STXBP6: variants seen among roughly 807,000 people sequenced by gnomAD.
The protein encoded by STXBP6 is syntaxin-binding protein 6.
In STXBP6, 21 loss-of-function variants were observed where a neutral mutation model predicts 26.9. That is an observed-to-expected ratio of 0.78 (90% CI 0.55 to 1.12). The LOEUF (loss-of-function observed/expected upper bound fraction) is 1.12. Ranked by LOEUF, STXBP6 falls within the 50% of genes most tolerant of loss-of-function variation. STXBP6 has a pLI of 0.00. For synonymous variants in STXBP6, 97 were observed against 92.6 expected (o/e 1.05, Z -0.27); for missense variants, 232 against 257.9 (o/e 0.90, Z 0.69).
At chr14:24,906,108 CAAATAATTAGGTTTTTTAAA>C (rs1431358086) in intron 2 of STXBP6, among the ~76,000 whole-genome samples, 3 of 152,072 alleles carry the variant, frequency 2.0e-5, no homozygotes, top group Non-Finnish European at 4.4e-5. Flanking sequence ...GTTTCCCATC[CAAATAATTAGGTTTTTTAAA>C]AATCATTTTC....
At chr14:24,956,141 C>T (rs780357743) in intron 2 of STXBP6, among the ~76,000 whole-genome samples, 7 of 151,946 alleles carry the variant, frequency 4.6e-5, no homozygotes, top group Non-Finnish European at 7.4e-5. Context: ...AAAACAGTGG[C>T]TACTAGGTGT....
In STXBP6 at chr14:24,838,276, G is replaced by C. The variant is rs2068681525; in HGVS notation, c.451+17660C>G. On this transcript the variant is annotated intron_variant, in intron 4 of 5. Transcript: ENST00000323944. ...TCTACCCAACTCGGCCTCCCAAAAT[G>C]CTGGGATTATTGGTGTGTGTCACTA... 2.0e-5 allele frequency among the ~76,000 whole-genome samples: 3 copies of C among 152,180 alleles called. No individual in the cohort carries two copies. The South Asian group carries it at 6.2e-4, about 32-fold the overall frequency.
intron 4 of STXBP6, among the ~76,000 whole-genome samples, chr14:24,837,659 C>T (rs1197956367): frequency 6.6e-6 from 1 of 152,164 alleles, no homozygotes; most frequent in East Asian, 1.9e-4. Flanking sequence ...AACTTGTGCT[C>T]ATTTCGGCAA....
At chr14:25,007,475 C>G (rs977874849) in intron 1 of STXBP6, among the ~76,000 whole-genome samples, 3 of 152,164 alleles carry the variant, frequency 2.0e-5, no homozygotes, top group Non-Finnish European at 1.5e-5. Flanking sequence ...TACAAGACCC[C>G]AGGTCCTGAC....
chr14:24,986,760 G>T (rs2074343416), intron 1 of STXBP6, among the ~76,000 whole-genome samples: 1 of 152,170 alleles, frequency 6.6e-6, no homozygotes, highest in Non-Finnish European at 1.5e-5. Context: ...GGTCCTGTTG[G>T]GTAACTGGAG....
chr14:24,819,589 C>G (rs536354548), intron 4 of STXBP6: 3 of 421,314 alleles, frequency 7.1e-6, no homozygotes, highest in South Asian at 1.3e-4. Context: ...ATATCTGGAT[C>G]TTATGTTATT....
In STXBP6 at chr14:25,024,179, C is replaced by G. The variant is rs543935875; in HGVS notation, c.-33+25699G>C. Reference sequence around the variant, plus strand: ...AAAAAATTAGCCGGGCATGGTGGCACACGCCTGTAGTCCCAGCTACTCAGG... The same window carrying G: ...AAAAAATTAGCCGGGCATGGTGGCAGACGCCTGTAGTCCCAGCTACTCAGG... On this transcript the variant is annotated intron_variant, in intron 1 of 5. Transcript: ENST00000323944. Among the ~76,000 whole-genome samples, 636 of 152,168 alleles carry G rather than the reference C, an allele frequency of 4.2e-3. 20 individuals are homozygous for G. Among genetic ancestry groups the G allele is most frequent in the Admixed American group, 0.037 (561 of 15,266 alleles).
intron 4 of STXBP6, among the ~76,000 whole-genome samples, chr14:24,851,811 A>G (rs780964488): frequency 1.3e-5 from 2 of 152,084 alleles, no homozygotes; most frequent in South Asian, 2.1e-4. Context: ...TCTGCCTTCA[A>G]TCTCTGTAGG....
At chr14:25,032,513 C>A (rs764343915) in intron 1 of STXBP6, among the ~76,000 whole-genome samples, 1 of 152,188 alleles carries the variant, frequency 6.6e-6, no homozygotes, top group Non-Finnish European at 1.5e-5. Flanking sequence ...ATGGAAGGAT[C>A]GAGTGGAAAA....
At chr14:24,987,100 C>T (rs567539222) in intron 1 of STXBP6, among the ~76,000 whole-genome samples, 12 of 152,268 alleles carry the variant, frequency 7.9e-5, no homozygotes, top group Non-Finnish European at 1.5e-4. Flanking sequence ...GAATACTACC[C>T]TAATATGAAC....
chr14:24,853,853 G>T (rs1216723236), intron 4 of STXBP6, among the ~76,000 whole-genome samples: 1 of 152,050 alleles, frequency 6.6e-6, no homozygotes, highest in Non-Finnish European at 1.5e-5. Flanking sequence ...AAAGCTGAAG[G>T]GCTGGCTCAA....
chr14:24,962,575 G>A (rs1230562761), intron 2 of STXBP6, among the ~76,000 whole-genome samples: 3 of 151,976 alleles, frequency 2.0e-5, no homozygotes, highest in Non-Finnish European at 4.4e-5. Context: ...TGATCCGCCC[G>A]CCTCAGCCTC....
intron 1 of STXBP6, among the ~76,000 whole-genome samples, chr14:25,014,457 C>A (rs570262320): frequency 6.6e-6 from 1 of 152,136 alleles, no homozygotes; most frequent in Non-Finnish European, 1.5e-5. Flanking sequence ...AGAGGGAGAC[C>A]CTGTCTCTAA....
intron 4 of STXBP6, chr14:24,819,563 G>T: frequency 2.0e-6 from 1 of 496,040 alleles, no homozygotes; most frequent in Non-Finnish European, 3.5e-6. Context: ...ACAGAATTAG[G>T]CAAGTTCAAT....
chr14:24,880,175 GTACT>G (rs2070304135), intron 2 of STXBP6, among the ~76,000 whole-genome samples: 1 of 152,118 alleles, frequency 6.6e-6, no homozygotes, highest in South Asian at 2.1e-4. Context: ...ATTTTAAAAA[GTACT>G]TACTAATTCA....
intron 2 of STXBP6, 80 bp from the exon 3 acceptor site, chr14:24,857,237 C>T: frequency 1.3e-6 from 2 of 1,575,990 alleles, no homozygotes; most frequent in Non-Finnish European, 1.7e-6. Flanking sequence ...TTCTACAGGA[C>T]ACCTACTGTG....
chr14:24,927,997 G>A, intron 2 of STXBP6, among the ~76,000 whole-genome samples: 1 of 152,160 alleles, frequency 6.6e-6, no homozygotes, highest in East Asian at 1.9e-4. Context: ...AGAGACAACT[G>A]AGTGGAGGAA....
At chr14:24,901,957 A>G (rs2071229735) in intron 2 of STXBP6, among the ~76,000 whole-genome samples, 1 of 152,144 alleles carries the variant, frequency 6.6e-6, no homozygotes, top group South Asian at 2.1e-4. Flanking sequence ...GCATATGTAA[A>G]ATATCAAGCT....
chr14:25,026,253 T>C (rs192502337), intron 1 of STXBP6, among the ~76,000 whole-genome samples: 1 of 152,082 alleles, frequency 6.6e-6, no homozygotes, highest in African/African-American at 2.4e-5. Flanking sequence ...GATACTTACT[T>C]GCATACCTCA....
Sources: allele counts gnomAD v4.1 joint callset (sites outside exome capture counted in the v4.1 genomes callset), GRCh38; gene constraint gnomAD v4.1.1; transcripts MANE v1.5; gene names NCBI Gene and HGNC (gene_info 2026-07-23, HGNC 2026-07-21).